NRG1: variants seen among roughly 807,000 people sequenced by gnomAD.
The protein encoded by NRG1 is neuregulin 1.
In NRG1, 18 loss-of-function variants were observed where a neutral mutation model predicts 63.8. The observed-to-expected ratio is 0.28, with a 90% CI of 0.19 to 0.42. The LOEUF (loss-of-function observed/expected upper bound fraction) is 0.42. Ranked by LOEUF, NRG1 falls within the 10% of genes least tolerant of loss-of-function variation. The pLI, the probability that NRG1 is intolerant of heterozygous loss-of-function variation, is 1.00. For synonymous variants in NRG1, 302 were observed against 301.3 expected (o/e 1.00, Z -0.02); for missense variants, 762 against 814.7 (o/e 0.94, Z 0.79).
At position 31,732,860 on chromosome 8, in the gene NRG1, A is replaced by G. The variant is rs373078006; in HGVS notation, c.37+93429A>G. Among the ~76,000 whole-genome samples the G allele has an allele frequency of 2.8e-4, 42 of 152,294 alleles. No homozygotes were observed. In the East Asian group the frequency reaches 8.1e-3, roughly 29 times the overall value. On this transcript the variant is annotated intron_variant, in intron 1 of 10. Coordinates refer to the NRG1 transcript ENST00000519301. ...CAGTGAGCCGTGATTGCACCAGGCC[A>G]CTGCACTCAAGCCTGGGTGTAAGAG... is the stretch of plus-strand genomic sequence containing the variant.
chr8:32,559,841 C>CAAAAAAAAAA (rs575336896), intron 1 of NRG1, among the ~76,000 whole-genome samples: 14 of 127,416 alleles, frequency 1.1e-4, no homozygotes, highest in Non-Finnish European at 2.3e-4. Context: ...CAAAAAAATA[C>CAAAAAAAAAA]AAAAAAAAAA....
intron 1 of NRG1, among the ~76,000 whole-genome samples, chr8:31,772,892 T>C (rs890265272): frequency 1.3e-5 from 2 of 152,162 alleles, no homozygotes; most frequent in East Asian, 1.9e-4. Flanking sequence ...TGCTGTTCAA[T>C]CATACATTTT....
intron 1 of NRG1, among the ~76,000 whole-genome samples, chr8:31,697,151 T>C (rs905976939): frequency 6.6e-6 from 1 of 152,198 alleles, no homozygotes; most frequent in African/African-American, 2.4e-5. Flanking sequence ...TCATCCAAAA[T>C]TTAAGGTGTT....
chr8:31,836,652 T>C (rs887022877), intron 1 of NRG1, among the ~76,000 whole-genome samples: 2 of 152,094 alleles, frequency 1.3e-5, no homozygotes, highest in African/African-American at 4.8e-5. Flanking sequence ...CATAAGCTTC[T>C]ATTGCACGTA....
chr8:32,343,412 G>T (rs371541133), intron 1 of NRG1, among the ~76,000 whole-genome samples: 2 of 152,196 alleles, frequency 1.3e-5, no homozygotes, highest in East Asian at 3.9e-4. Context: ...AACCTAGTAT[G>T]AAGTCCCATC....
At chr8:31,914,208 CT>C (rs1219108545) in intron 1 of NRG1, among the ~76,000 whole-genome samples, 1 of 151,890 alleles carries the variant, frequency 6.6e-6, no homozygotes, top group Non-Finnish European at 1.5e-5. Context: ...AATTCTATGC[CT>C]TTTTTAGCCA....
At chr8:31,872,422 G>A (rs893980323) in intron 1 of NRG1, among the ~76,000 whole-genome samples, 5 of 151,936 alleles carry the variant, frequency 3.3e-5, no homozygotes, top group Non-Finnish European at 7.4e-5. Flanking sequence ...ACTTCCTCAC[G>A]GCAGCCTTGT....
At position 31,762,073 on chromosome 8, in the gene NRG1, ATTTCT is replaced by A. The variant is rs1817618009; in HGVS notation, c.37+122651_37+122655del. On this transcript the variant is annotated intron_variant, in intron 1 of 10. Coordinates refer to the NRG1 transcript ENST00000519301. ...TTGAGTTAAAAATGTGTCCTTGTAAATTTCTTTTCTTTTTTTAAAAATTTCTTCTA... is the reference window on the plus strand; with the variant it reads ...TTGAGTTAAAAATGTGTCCTTGTAAATTTCTTTTTTTAAAAATTTCTTCTA... 3.3e-5 allele frequency among the ~76,000 whole-genome samples: 5 copies of A among 152,232 alleles called. No homozygotes were observed. The South Asian group carries it at 8.3e-4, about 25-fold the overall frequency.
At chr8:32,652,332 T>C (rs959120437) in intron 5 of NRG1, among the ~76,000 whole-genome samples, 2 of 152,180 alleles carry the variant, frequency 1.3e-5, no homozygotes, top group Non-Finnish European at 2.9e-5. Context: ...TCATCCATAC[T>C]TTGTTCAGCT....
At chr8:31,643,905 C>T (rs1804042857) in intron 1 of NRG1, among the ~76,000 whole-genome samples, 2 of 152,120 alleles carry the variant, frequency 1.3e-5, no homozygotes, top group Admixed American at 1.3e-4. Flanking sequence ...ATTTGTACAT[C>T]AATTCTGATC....
chr8:31,811,103 C>A (rs530442557), intron 1 of NRG1, among the ~76,000 whole-genome samples: 1 of 152,264 alleles, frequency 6.6e-6, no homozygotes, highest in South Asian at 2.1e-4. Flanking sequence ...GTGATAAATA[C>A]CGTGGCTGCT....
intron 1 of NRG1, chr8:31,639,656 G>C (rs963653508): frequency 5.7e-6 from 8 of 1,398,266 alleles, no homozygotes; most frequent in African/African-American, 1.5e-5. Flanking sequence ...CCGACAGCAG[G>C]GCTCGGGCGC....
chr8:32,689,887 C>A (rs1017267286), intron 5 of NRG1, among the ~76,000 whole-genome samples: 4 of 152,248 alleles, frequency 2.6e-5, no homozygotes, highest in Admixed American at 2.6e-4. Context: ...CTACCTCTTG[C>A]TTCTGAAAAT....
intron 1 of NRG1, among the ~76,000 whole-genome samples, chr8:32,273,143 C>A (rs1422854852): frequency 6.6e-6 from 1 of 152,166 alleles, no homozygotes; most frequent in Non-Finnish European, 1.5e-5. Flanking sequence ...TGGCCAAATT[C>A]CACCTCATAT....
rs1585330539 is a variant in NRG1 at position 31,639,321 on chromosome 8, G to A, written c.-74G>A. The A allele has an allele frequency of 6.6e-6, 10 of 1,520,998 alleles. No individual in the cohort carries two copies. In the African/African-American group the frequency reaches 8.3e-5, roughly 13 times the overall value. 94.2% of individuals were successfully genotyped at this position (1,520,998 alleles called of 1,614,324 possible). A position where few individuals can be genotyped will look rare whatever the true frequency, so the allele number is the denominator to read the frequency against. ...CCATTGCAGCACTCGGGGCGACAGA[G>A]AGGGAGGAGGCGCGCGGGGACGGGG... On this transcript the variant is annotated 5_prime_UTR_variant, in exon 1 of 11. Transcript: ENST00000519301.
At chr8:32,120,180 C>T (rs149994071) in intron 1 of NRG1, among the ~76,000 whole-genome samples, 1 of 152,198 alleles carries the variant, frequency 6.6e-6, no homozygotes, top group East Asian at 1.9e-4. Flanking sequence ...TTAAAACACA[C>T]ATGCCTTAGT....
intron 1 of NRG1, among the ~76,000 whole-genome samples, chr8:31,767,979 A>G (rs1443989644): frequency 6.6e-6 from 1 of 152,186 alleles, no homozygotes; most frequent in African/African-American, 2.4e-5. Flanking sequence ...TCTTATAACA[A>G]TTGACACAAG....
At chr8:31,701,834 T>C (rs1483537232) in intron 1 of NRG1, among the ~76,000 whole-genome samples, 2 of 152,182 alleles carry the variant, frequency 1.3e-5, no homozygotes, top group Non-Finnish European at 2.9e-5. Flanking sequence ...GCAATGTGCA[T>C]GCAAATCACC....
chr8:31,892,355 T>C (rs1260256627), intron 1 of NRG1, among the ~76,000 whole-genome samples: 1 of 152,086 alleles, frequency 6.6e-6, no homozygotes, highest in Non-Finnish European at 1.5e-5. Context: ...TTTGTTTCAT[T>C]TCTGTTTTAG....
Sources: allele counts gnomAD v4.1 joint callset (sites outside exome capture counted in the v4.1 genomes callset), GRCh38; gene constraint gnomAD v4.1.1; transcripts MANE v1.5; gene names NCBI Gene and HGNC (gene_info 2026-07-23, HGNC 2026-07-21).